Variants in AIRE observed in about 807,000 individuals in gnomAD.
AIRE encodes the protein autoimmune regulator.
AIRE carries 52 observed loss-of-function variants against 62.1 expected under a neutral mutation model. The ratio of observed to expected loss-of-function variants is 0.84; its 90% CI spans 0.67 to 1.06. The LOEUF is 1.06. Among genes scored for constraint, AIRE ranks in the 50% least tolerant of loss-of-function variants. The pLI is 0.00. For synonymous variants in AIRE, 342 were observed against 321.6 expected (o/e 1.06, Z -0.68); for missense variants, 774 against 755.8 (o/e 1.02, Z -0.28).
chr21:44,296,469 G>T (rs542068286), intron 13 of AIRE, 24 bp downstream of exon 13: 2 of 1,604,320 alleles, frequency 1.2e-6, no homozygotes, highest in Middle Eastern at 1.7e-4. Context: ...TGGCCTCCTG[G>T]TGCTCCTCCA....
At position 44,297,772 on chromosome 21, in the gene AIRE, A is replaced by T. The variant is rs1242851182; in HGVS notation, c.*45A>T. The T allele has an allele frequency of 1.9e-6, 3 of 1,559,228 alleles. No homozygotes were observed. Among genetic ancestry groups the T allele is most frequent in the Non-Finnish European group, 2.6e-6 (3 of 1,132,904 alleles). ...GCAGCTCTGATGAGAGAGTGCTGAG[A>T]AGGACACCTCCTTCCTCAGTCCTGG... On this transcript the variant is annotated 3_prime_UTR_variant, in exon 14 of 14. Transcript: ENST00000291582. This position sits in a 1 kb window ranked among gnomAD's most constrained non-coding sequence, Gnocchi z 4.8.
chr21:44,292,284 T>C lies in AIRE; in HGVS notation c.996-18T>C, dbSNP rs78245838. 5.0e-4 allele frequency: 779 copies of C among 1,556,852 alleles called. 6 individuals carry two copies. The East Asian group carries it at 0.016, about 32-fold the overall frequency. On this transcript the variant is annotated intron_variant, in intron 8 of 13. Transcript: ENST00000291582. ...CTGTCTTGTTCTGCATGTCTCTGAC[T>C]GGTGGACACACGAGCAGTGGGACCT...
At position 44,286,178 on chromosome 21, in the gene AIRE, T is replaced by C; in HGVS notation, c.132+40T>C. 1 of 1,369,582 alleles carries C rather than the reference T, an allele frequency of 7.3e-7. No individual in the cohort carries two copies. The highest frequency in any genetic ancestry group is 1.3e-5 in the South Asian group (1 of 79,850). The allele number at this position is 1,369,582 out of a possible 1,614,324, so 84.8% of individuals were successfully genotyped here. On this transcript the variant is annotated intron_variant, in intron 1 of 13. Transcript: ENST00000291582. This position sits in a 1 kb window ranked among gnomAD's most constrained non-coding sequence, Gnocchi z 6.0. The stretch of plus-strand genomic sequence containing the variant: ...CGCCCCCCGCTGCCCCCAGGCCCTG[T>C]GAGCCAGGGATAGTCCCCGGGGAAG...
intron 13 of AIRE, 84 bp downstream of exon 13, chr21:44,296,529 G>T: frequency 7.6e-7 from 1 of 1,311,452 alleles, no homozygotes; most frequent in Non-Finnish European, 1.1e-6. Flanking sequence ...CTCTGGGGGA[G>T]GACTGCCGGC....
At position 44,297,712 on chromosome 21, in the gene AIRE, C is replaced by G. The variant is rs1332443962; in HGVS notation, c.1623C>G (p.Ala541=). ...WAIQSMARPA[A]PFPS ...TCCAGAGCATGGCCCGTCCGGCGGC[C>G]CCCTTCCCCTCCTGACCCCAGATGG... The change falls in exon 14 of 14, where the codon GCC becomes GCG. Residue 541 remains alanine, a synonymous_variant. Coordinates refer to ENST00000291582, the MANE Select transcript of AIRE (RefSeq NM_000383.4). The surrounding 1 kb of genome is among the most constrained non-coding windows in gnomAD (Gnocchi z 4.8). The G allele has an allele frequency of 1.2e-6, 2 of 1,611,998 alleles. No homozygotes were observed. Among genetic ancestry groups the G allele is most frequent in the African/African-American group, 2.7e-5 (2 of 74,912 alleles).
chr21:44,293,246 T>G, intron 10 of AIRE, 71 bp downstream of exon 10: 1 of 1,399,394 alleles, frequency 7.1e-7, no homozygotes, highest in South Asian at 1.4e-5. Flanking sequence ...TGAATTCACC[T>G]GAAACAGGAG....
intron 13 of AIRE, among the ~76,000 whole-genome samples, chr21:44,296,773 G>T (rs1306563821): frequency 6.6e-6 from 1 of 151,870 alleles, no homozygotes; most frequent in African/African-American, 2.4e-5. Flanking sequence ...GCAGGCAGAG[G>T]CTCGAGCACC....
rs532437690 is a variant in AIRE at position 44,292,217 on chromosome 21, A to G, written c.996-85A>G. On this transcript the variant is annotated intron_variant, in intron 8 of 13. Coordinates refer to ENST00000291582, the MANE Select transcript of AIRE (RefSeq NM_000383.4). ...CCCCTCTGTGAAAAGACATGGTCGGAGCCCTGGAGCTCCACCCGTGGGTTT... is the reference window on the plus strand; with the variant it reads ...CCCCTCTGTGAAAAGACATGGTCGGGGCCCTGGAGCTCCACCCGTGGGTTT... 195 of 1,076,584 alleles carry G rather than the reference A, an allele frequency of 1.8e-4. No individual in the cohort carries two copies. The African/African-American group carries it at 2.5e-3, about 14-fold the overall frequency. 66.7% of individuals were successfully genotyped at this position (1,076,584 alleles called of 1,614,324 possible). A position where few individuals can be genotyped will look rare whatever the true frequency, so the allele number is the denominator to read the frequency against.
chr21:44,292,881 G>C (rs958736552), intron 9 of AIRE, 112 bp from the exon 10 acceptor site: 25 of 917,912 alleles, frequency 2.7e-5, no homozygotes, highest in Middle Eastern at 3.4e-4. Flanking sequence ...ACCATGCCAG[G>C]CCTCTGCCCC....
At position 44,291,107 on chromosome 21, in the gene AIRE, G is replaced by C; in HGVS notation, c.892G>C (p.Glu298Gln). 1 of 1,612,960 alleles carries C rather than the reference G, an allele frequency of 6.2e-7. No homozygotes were observed. ...TTGCCTGTGCCAGAAGAATGAGGAC[G>C]AGTGTGCCGTGTGTCGGGACGGCGG... ...DPQLHQKNED[E>Q]CAVCRDGGEL... Residue 298 changes from glutamate (E) to glutamine (Q), a missense_variant, in exon 8 of 14, where the codon GAG becomes CAG. Around this residue, in one of 3 missense-constraint regions of AIRE, gnomAD observed 35 missense variants for 63.7 expected, o/e 0.55. Coordinates refer to ENST00000291582, the MANE Select transcript of AIRE (RefSeq NM_000383.4).
Position 44,290,053 on chromosome 21 carries a change from C to A in AIRE, c.864C>A (p.Asp288Glu). ...CCGCCCCTCTGGCCCTCCCCAGTGA[C>A]CCCCAGCTCCACCAGGTAATGCCCT... ...SVPAPLALPS[D>E]PQLHQKNEDE... is the part of the protein sequence containing the mutation. Residue 288 changes from aspartate to glutamate, a missense_variant, in exon 7 of 14, where the codon GAC (aspartate) becomes GAA (glutamate). This residue lies in a region of AIRE where 385 missense variants were observed against 396.0 expected (regional missense o/e 0.97). Coordinates refer to ENST00000291582, the MANE Select transcript of AIRE (RefSeq NM_000383.4). The A allele has an allele frequency of 1.2e-6, 2 of 1,611,836 alleles. No individual in the cohort carries two copies. Among genetic ancestry groups the A allele is most frequent in the Non-Finnish European group, 1.7e-6 (2 of 1,179,446 alleles).
chr21:44,286,166 C>G lies in AIRE; in HGVS notation c.132+28C>G. ...GGGCTCCCCGCCCGCCCCCCGCTGC[C>G]CCCAGGCCCTGTGAGCCAGGGATAG... On this transcript the variant is annotated intron_variant, in intron 1 of 13. Coordinates refer to ENST00000291582, the MANE Select transcript of AIRE (RefSeq NM_000383.4). The surrounding 1 kb of genome is among the most constrained non-coding windows in gnomAD (Gnocchi z 6.0). 1 of 1,542,774 alleles carries G rather than the reference C, an allele frequency of 6.5e-7. No homozygotes were observed. Among genetic ancestry groups the G allele is most frequent in the Non-Finnish European group, 8.7e-7 (1 of 1,144,636 alleles).
At position 44,292,388 on chromosome 21, in the gene AIRE, C is replaced by A; in HGVS notation, c.1082C>A (p.Pro361His). 2 of 1,554,238 alleles carry A rather than the reference C, an allele frequency of 1.3e-6. No individual in the cohort carries two copies. Among genetic ancestry groups the A allele is most frequent in the East Asian group, 4.8e-5 (2 of 41,750 alleles). The change falls in exon 9 of 14, where the codon CCC becomes CAC. Residue 361 changes from proline to histidine, a missense_variant. Physicochemically the swap from Pro to His is moderately conservative, Grantham distance 77. This residue lies in a region of AIRE where 354 missense variants were observed against 296.1 expected (regional missense o/e 1.20). Coordinates refer to ENST00000291582, the MANE Select transcript of AIRE (RefSeq NM_000383.4). Reference sequence around the variant, plus strand: ...GAGGAGCCCCGGCCCCAGGAGCCACCCGTGGAGACCCCGGTATGGCCACGC... The same window carrying A: ...GAGGAGCCCCGGCCCCAGGAGCCACACGTGGAGACCCCGGTATGGCCACGC... ...RAEEPRPQEP[P>H]VETPLPPGLR...
Position 44,297,998 on chromosome 21 carries a change from G to C in AIRE, c.*271G>C, listed in dbSNP as rs2040629015. Reference sequence around the variant, plus strand: ...AATATAAAAATTAGCTGGGTGTGGTGGTGGGTGCCTGTAATCCCAGCTACA... The same window carrying C: ...AATATAAAAATTAGCTGGGTGTGGTCGTGGGTGCCTGTAATCCCAGCTACA... On this transcript the variant is annotated 3_prime_UTR_variant, in exon 14 of 14. Coordinates refer to ENST00000291582, the MANE Select transcript of AIRE (RefSeq NM_000383.4). This position sits in a 1 kb window ranked among gnomAD's most constrained non-coding sequence, Gnocchi z 4.8. 1 of 452,188 alleles carries C rather than the reference G, an allele frequency of 2.2e-6. No homozygotes were observed. The highest frequency in any genetic ancestry group is 4.1e-6 in the Non-Finnish European group (1 of 241,496). The allele number at this position is 452,188 out of a possible 1,614,324, so 28.0% of individuals were successfully genotyped here.
chr21:44,297,315 C>CA lies in AIRE; in HGVS notation c.1567-340dup, dbSNP rs2040620618. 6.8e-6 allele frequency among the ~76,000 whole-genome samples: 1 copy of CA among 146,256 alleles called. No homozygotes were observed. The highest frequency in any genetic ancestry group is 1.5e-5 in the Non-Finnish European group (1 of 65,586). ...AATAAGTAGCTGGCCCCGACCCCCC[C>CA]ACCCTGAAGGAGCCACCCGAGGAGG... On this transcript the variant is annotated intron_variant, in intron 13 of 13. Coordinates refer to ENST00000291582, the MANE Select transcript of AIRE (RefSeq NM_000383.4). The surrounding 1 kb of genome is among the most constrained non-coding windows in gnomAD (Gnocchi z 4.8).
chr21:44,294,442 C>A lies in AIRE; in HGVS notation c.1442C>A (p.Pro481Gln). Residue 481 changes from proline to glutamine, a missense_variant, in exon 12 of 14, where the codon CCA becomes CAA. By Grantham distance (76) the Pro-to-Gln change is moderately conservative. This residue lies in a region of AIRE where 354 missense variants were observed against 296.1 expected (regional missense o/e 1.20). Transcript: ENST00000291582. The stretch of plus-strand genomic sequence containing the variant: ...AGATCCTGCTCAGGAGACGTGACCC[C>A]AGCCCCTGTGGAGGGGGTGCTGGCC... Reference protein sequence around the residue: ...RCRSCSGDVTPAPVEGVLAPS... With the variant: ...RCRSCSGDVTQAPVEGVLAPS... 6.3e-7 allele frequency: 1 copy of A among 1,576,038 alleles called. No homozygotes were observed. The highest frequency in any genetic ancestry group is 2.3e-5 in the East Asian group (1 of 43,468).
intron 13 of AIRE, among the ~76,000 whole-genome samples, 167 bp downstream of exon 13, chr21:44,296,612 C>T (rs902443260): frequency 1.3e-5 from 2 of 151,602 alleles, no homozygotes; most frequent in Non-Finnish European, 2.9e-5. Context: ...TGCTGCTGAG[C>T]ACCTGGCACC....
Position 44,294,441 on chromosome 21 carries a change from C to T in AIRE, c.1441C>T (p.Pro481Ser), listed in dbSNP as rs1000007126. 1.4e-5 allele frequency: 22 copies of T among 1,578,136 alleles called. No homozygotes were observed. The highest frequency in any genetic ancestry group is 1.7e-5 in the Admixed American group (1 of 57,406). Reference sequence around the variant, plus strand: ...CAGATCCTGCTCAGGAGACGTGACCCCAGCCCCTGTGGAGGGGGTGCTGGC... The same window carrying T: ...CAGATCCTGCTCAGGAGACGTGACCTCAGCCCCTGTGGAGGGGGTGCTGGC... ...RCRSCSGDVTPAPVEGVLAPS... is the reference protein window; with the variant it reads ...RCRSCSGDVTSAPVEGVLAPS... Residue 481 changes from proline to serine, a missense_variant, in exon 12 of 14, where the codon CCA becomes TCA. Pro to Ser is a moderately conservative substitution (Grantham distance 74). Coordinates refer to ENST00000291582, the MANE Select transcript of AIRE (RefSeq NM_000383.4).
chr21:44,289,810 C>A lies in AIRE; in HGVS notation c.798+8C>A. 6.2e-7 allele frequency: 1 copy of A among 1,612,416 alleles called. No homozygotes were observed. The highest frequency in any genetic ancestry group is 8.5e-7 in the Non-Finnish European group (1 of 1,179,918). On this transcript the variant is annotated splice_region_variant and intron_variant, in intron 6 of 13. Coordinates refer to ENST00000291582, the MANE Select transcript of AIRE (RefSeq NM_000383.4). The stretch of plus-strand genomic sequence containing the variant: ...GCCCAGGGCGCTGCCCCCGTAAGCA[C>A]CTGACCTTCCCTGGGGAGCCTGGCT...
Sources: gnomAD v4.1 joint callset for allele counts (sites outside exome capture counted in the v4.1 genomes callset) on GRCh38, gnomAD v4.1.1 for gene constraint, gnomAD v4.1.1 regional missense constraint, Gnocchi (gnomAD v3.1) non-coding constraint, MANE v1.5 for transcripts, NCBI Gene and HGNC (gene_info 2026-07-23, HGNC 2026-07-21) for gene names.